Variants in GRIK4 observed in about 807,000 individuals in gnomAD.
The protein encoded by GRIK4 is glutamate receptor ionotropic, kainate 4.
GRIK4 carries 40 observed loss-of-function variants against 104.9 expected under a neutral mutation model. That is an observed-to-expected ratio of 0.38 (90% confidence interval 0.30 to 0.50). GRIK4 has a LOEUF of 0.50. Ranked by LOEUF, GRIK4 falls within the 20% of genes least tolerant of loss-of-function variation. The probability of loss-of-function intolerance (pLI) is 0.93; values close to 1 mark genes in which losing one functional copy is unlikely to be tolerated. For synonymous variants in GRIK4, 485 were observed against 524.9 expected (o/e 0.92, Z 1.04); for missense variants, 1,047 against 1,308.1 (o/e 0.80, Z 3.08).
At chr11:120,787,346 A>G (rs1370660441) in intron 3 of GRIK4, among the ~76,000 whole-genome samples, 1 of 152,108 alleles carries the variant, frequency 6.6e-6, no homozygotes, top group Non-Finnish European at 1.5e-5. Flanking sequence ...CAAAAACAGA[A>G]ACAAAACATA....
At chr11:120,947,688 T>C (rs897755662) in intron 14 of GRIK4, among the ~76,000 whole-genome samples, 17 of 152,194 alleles carry the variant, frequency 1.1e-4, no homozygotes, top group African/African-American at 3.6e-4. Flanking sequence ...TATTGGTTAT[T>C]TATTGAGTGC....
In GRIK4 at chr11:120,819,915, C is replaced by A. The variant is rs760930322; in HGVS notation, c.506C>A (p.Ala169Glu). 11 of 1,613,648 alleles carry A rather than the reference C, an allele frequency of 6.8e-6. No individual in the cohort carries two copies. The highest frequency in any genetic ancestry group is 9.3e-6 in the Non-Finnish European group (11 of 1,179,990). Residue 169 changes from alanine to glutamate, a missense_variant, in exon 6 of 21, where the codon GCA (alanine) becomes GAA (glutamate). Around this residue, in one of 3 missense-constraint regions of GRIK4, gnomAD observed 447 missense variants for 514.9 expected, o/e 0.87. Transcript: ENST00000527524. This position sits in a 1 kb window ranked among gnomAD's most constrained non-coding sequence, Gnocchi z 4.3. ...CTTACLICAK[A>E]ECLLNLEKLL... ...ACCGCCTGCCTCATCTGTGCCAAAG[C>A]AGAATGTAAGTTTCCCCAGGCTGGC...
chr11:120,804,972 G>C (rs373711276), intron 4 of GRIK4, among the ~76,000 whole-genome samples: 64 of 152,336 alleles, frequency 4.2e-4, no homozygotes, highest in African/African-American at 1.5e-3. Flanking sequence ...CCCCAAGAAG[G>C]CATGGAGGAA....
intron 1 of GRIK4, among the ~76,000 whole-genome samples, chr11:120,631,829 G>A (rs1032348505): frequency 2.6e-5 from 4 of 152,102 alleles, no homozygotes; most frequent in Non-Finnish European, 4.4e-5. Context: ...CGACACCACC[G>A]CTGGGCTTGT....
intron 6 of GRIK4, among the ~76,000 whole-genome samples, chr11:120,822,932 A>G (rs1048919498): frequency 6.6e-6 from 1 of 152,298 alleles, no homozygotes; most frequent in Middle Eastern, 3.4e-3. Context: ...GGATGTTCCC[A>G]CTTCAAGGAA....
At chr11:120,753,059 A>G (rs995394581) in intron 3 of GRIK4, among the ~76,000 whole-genome samples, 1 of 152,242 alleles carries the variant, frequency 6.6e-6, no homozygotes, top group Non-Finnish European at 1.5e-5. Flanking sequence ...GGACTCCCGA[A>G]TGAGGCATCA....
intron 1 of GRIK4, among the ~76,000 whole-genome samples, chr11:120,542,111 T>C (rs555663562): frequency 6.6e-6 from 1 of 152,264 alleles, no homozygotes; most frequent in East Asian, 1.9e-4. Flanking sequence ...AAAACACACA[T>C]AGACCAATGG....
chr11:120,965,768 G>A (rs1027042520), intron 18 of GRIK4, among the ~76,000 whole-genome samples: 2 of 152,222 alleles, frequency 1.3e-5, no homozygotes, highest in African/African-American at 2.4e-5. Flanking sequence ...TGGAAATGCA[G>A]ACTGTCAGGC....
intron 11 of GRIK4, 48 bp downstream of exon 11, chr11:120,875,291 A>G: frequency 8.8e-7 from 1 of 1,139,156 alleles, no homozygotes; most frequent in Non-Finnish European, 1.3e-6. Flanking sequence ...TCTCTGTTCC[A>G]TTTCATTGAT....
chr11:120,643,117 C>A (rs1363848243), intron 1 of GRIK4, among the ~76,000 whole-genome samples: 5 of 152,146 alleles, frequency 3.3e-5, no homozygotes, highest in Admixed American at 6.5e-5. Context: ...CAAACAAAAT[C>A]CCTGCTCTCT....
intron 1 of GRIK4, among the ~76,000 whole-genome samples, chr11:120,539,090 A>T (rs1325795165): frequency 2.6e-5 from 4 of 152,116 alleles, no homozygotes; most frequent in East Asian, 1.9e-4. Context: ...GCTGGGGGGA[A>T]CTCTCTAAGA....
At chr11:120,934,877 G>T (rs1943562902) in intron 13 of GRIK4, among the ~76,000 whole-genome samples, 1 of 152,172 alleles carries the variant, frequency 6.6e-6, no homozygotes, top group Admixed American at 6.5e-5. Context: ...GACCTACCCT[G>T]TGGCTCTAAT....
intron 8 of GRIK4, among the ~76,000 whole-genome samples, chr11:120,845,221 G>T (rs1347944471): frequency 6.6e-6 from 1 of 152,206 alleles, no homozygotes; most frequent in East Asian, 1.9e-4. Context: ...AGCTGCCAGG[G>T]CCTCAGATCA....
intron 7 of GRIK4, 28 bp downstream of exon 7, chr11:120,832,058 C>G (rs750126115): frequency 2.0e-4 from 309 of 1,526,984 alleles, no homozygotes; most frequent in Non-Finnish European, 2.2e-4. Context: ...TCCCCCACCC[C>G]CTGCTGAGCT....
chr11:120,669,260 G>A (rs1350805841), intron 3 of GRIK4, among the ~76,000 whole-genome samples: 2 of 152,140 alleles, frequency 1.3e-5, no homozygotes, highest in African/African-American at 4.8e-5. Context: ...CATCTACCCT[G>A]GGAGGCTAAG....
intron 1 of GRIK4, among the ~76,000 whole-genome samples, chr11:120,533,324 G>A (rs1314271056): frequency 1.3e-5 from 2 of 152,200 alleles, no homozygotes; most frequent in African/African-American, 4.8e-5. Context: ...CACTCACTAA[G>A]CATTGGGCAG....
chr11:120,719,829 G>A (rs1950898401), intron 3 of GRIK4, among the ~76,000 whole-genome samples: 1 of 152,188 alleles, frequency 6.6e-6, no homozygotes, highest in African/African-American at 2.4e-5. Context: ...TTATGTATAG[G>A]TATTTGCTAA....
At chr11:120,752,441 C>A (rs562961452) in intron 3 of GRIK4, among the ~76,000 whole-genome samples, 1 of 152,172 alleles carries the variant, frequency 6.6e-6, no homozygotes, top group Non-Finnish European at 1.5e-5. Context: ...CCAAGGTGGG[C>A]AGGCCCCTGT....
At chr11:120,560,756 A>G (rs1948230823) in intron 1 of GRIK4, among the ~76,000 whole-genome samples, 1 of 152,250 alleles carries the variant, frequency 6.6e-6, no homozygotes, top group Admixed American at 6.5e-5. Flanking sequence ...AAATGAGATC[A>G]TGGCTTTTAA....
Sources: gnomAD v4.1 joint callset for allele counts (sites outside exome capture counted in the v4.1 genomes callset) on GRCh38, gnomAD v4.1.1 for gene constraint, gnomAD v4.1.1 regional missense constraint, Gnocchi (gnomAD v3.1) non-coding constraint, MANE v1.5 for transcripts, NCBI Gene and HGNC (gene_info 2026-07-23, HGNC 2026-07-21) for gene names.